The following TMEM232 variants were observed in gnomAD, a reference collection of about 807,000 sequenced individuals.
The protein encoded by TMEM232 is transmembrane protein 232.
A neutral mutation model predicts 78.8 loss-of-function variants in TMEM232; 80 were observed. That is an observed-to-expected ratio of 1.01 (90% CI 0.85 to 1.22). TMEM232 has a LOEUF of 1.22. Ranked by LOEUF, TMEM232 falls within the 50% of genes most tolerant of loss-of-function variation. The pLI is 0.00. For missense variants in TMEM232, 881 were observed against 742.2 expected, an observed-to-expected ratio of 1.19 and a Z score of -2.17; for synonymous variants, 297 against 254.3, an observed-to-expected ratio of 1.17 and a Z score of -1.60.
chr5:110,661,104 G>C (rs1392584416), intron 2 of TMEM232, among the ~76,000 whole-genome samples: 1 of 152,082 alleles, frequency 6.6e-6, no homozygotes, highest in Non-Finnish European at 1.5e-5. Flanking sequence ...TTCTGTGCCT[G>C]AATTATTTTA....
chr5:110,644,136 T>G (rs373967670), intron 2 of TMEM232, among the ~76,000 whole-genome samples: 16 of 152,064 alleles, frequency 1.1e-4, no homozygotes, highest in African/African-American at 3.6e-4. Flanking sequence ...AATTGGGCAT[T>G]TTGAAATAAG....
chr5:110,590,431 C>T (rs1016623171), intron 10 of TMEM232, among the ~76,000 whole-genome samples: 3 of 152,088 alleles, frequency 2.0e-5, no homozygotes, highest in Non-Finnish European at 2.9e-5. Flanking sequence ...AGTGGTATTA[C>T]ATTCTCATAG....
At chr5:110,440,451 T>C (rs1758905740) in intron 12 of TMEM232, among the ~76,000 whole-genome samples, 1 of 152,104 alleles carries the variant, frequency 6.6e-6, no homozygotes, top group African/African-American at 2.4e-5. Flanking sequence ...ACATGGTGAA[T>C]AGACAGTACA....
chr5:110,548,215 G>A (rs1370239438), intron 11 of TMEM232, among the ~76,000 whole-genome samples: 2 of 150,768 alleles, frequency 1.3e-5, no homozygotes, highest in African/African-American at 4.9e-5. Flanking sequence ...ATTACATAAA[G>A]CAATAATAAT....
intron 1 of TMEM232, among the ~76,000 whole-genome samples, chr5:110,700,436 A>C (rs771509285): frequency 2.0e-5 from 3 of 152,056 alleles, no homozygotes; most frequent in Non-Finnish European, 2.9e-5. Flanking sequence ...CCAAAGTTAT[A>C]CAGCCAAAGA....
intron 12 of TMEM232, among the ~76,000 whole-genome samples, chr5:110,526,384 A>G (rs1388911404): frequency 6.6e-6 from 1 of 151,898 alleles, no homozygotes; most frequent in African/African-American, 2.4e-5. Context: ...AAATCCAGTA[A>G]AAAATGGGCA....
At chr5:110,531,807 T>A (rs1312930516) in intron 11 of TMEM232, among the ~76,000 whole-genome samples, 4 of 152,170 alleles carry the variant, frequency 2.6e-5, no homozygotes, top group African/African-American at 9.7e-5. Flanking sequence ...GCAGCAACCC[T>A]GAGATGCTTT....
rs1554057506 is a variant in TMEM232, at chr5:110,610,218, G to GGGAA, written c.903-3932_903-3931insTTCC. 6.8e-3 allele frequency among the ~76,000 whole-genome samples: 1,000 copies of GGGAA among 146,680 alleles called. 26 individuals are homozygous for GGGAA. The highest frequency in any genetic ancestry group is 0.024 in the African/African-American group (927 of 38,216). On this transcript the variant is annotated intron_variant, in intron 8 of 13. Coordinates refer to ENST00000455884, the MANE Select transcript of TMEM232 (RefSeq NM_001039763.4). The stretch of plus-strand genomic sequence containing the variant: ...AAGGAACAAGGAAGGAAGGAAGGAA[G>GGGAA]GGAGGGAGGGAAAAAGAAAGGAAGG...
chr5:110,651,898 G>A (rs1360388153), intron 2 of TMEM232, among the ~76,000 whole-genome samples: 1 of 152,068 alleles, frequency 6.6e-6, no homozygotes, highest in Non-Finnish European at 1.5e-5. Context: ...TAATATTAAT[G>A]TACCCGCCTT....
intron 11 of TMEM232, among the ~76,000 whole-genome samples, chr5:110,561,795 G>C (rs1775777212): frequency 6.6e-6 from 1 of 152,038 alleles, no homozygotes; most frequent in South Asian, 2.1e-4. Flanking sequence ...GAGTAAATCA[G>C]TTAAAATGGC....
chr5:110,418,240 CT>C (rs1451764935), downstream of TMEM232: 1 of 152,068 alleles, frequency 6.6e-6, no homozygotes, highest in Non-Finnish European at 1.5e-5. Flanking sequence ...GGTTTGTTTA[CT>C]TTCCTAATTA....
chr5:110,585,069 T>A (rs931311382), intron 10 of TMEM232, among the ~76,000 whole-genome samples: 4 of 152,150 alleles, frequency 2.6e-5, no homozygotes, highest in African/African-American at 9.7e-5. Flanking sequence ...TATTGTTTAT[T>A]CTTCAAATAT....
intron 12 of TMEM232, among the ~76,000 whole-genome samples, chr5:110,478,689 A>G (rs1019087024): frequency 2.0e-5 from 3 of 151,842 alleles, no homozygotes; most frequent in Non-Finnish European, 4.4e-5. Context: ...TGTACAGCAA[A>G]GGGAATTAAC....
intron 12 of TMEM232, among the ~76,000 whole-genome samples, chr5:110,502,731 C>G (rs185296670): frequency 2.6e-5 from 4 of 152,310 alleles, no homozygotes; most frequent in African/African-American, 9.6e-5. Context: ...TTTAGAACTG[C>G]ACATGGCAAG....
intron 3 of TMEM232, among the ~76,000 whole-genome samples, chr5:110,642,051 G>C (rs903458479): frequency 6.6e-6 from 1 of 151,860 alleles, no homozygotes; most frequent in South Asian, 2.1e-4. Flanking sequence ...TGGGCTGCTG[G>C]ACTGGTATAT....
chr5:110,696,088 CA>C (rs1794746443), intron 1 of TMEM232, among the ~76,000 whole-genome samples: 1 of 151,970 alleles, frequency 6.6e-6, no homozygotes, highest in Non-Finnish European at 1.5e-5. Context: ...AGCAGCACAT[CA>C]AAAAGCTTAT....
intron 2 of TMEM232, among the ~76,000 whole-genome samples, chr5:110,665,846 G>A (rs951324420): frequency 4.7e-5 from 7 of 148,082 alleles, no homozygotes; most frequent in Admixed American, 4.1e-4. Context: ...CTTGAGGCCA[G>A]GAGTTCAAGA....
chr5:110,611,553 A>G (rs1782281236), intron 8 of TMEM232, among the ~76,000 whole-genome samples: 1 of 152,038 alleles, frequency 6.6e-6, no homozygotes, highest in South Asian at 2.1e-4. Context: ...CTGGCTGTTG[A>G]TTGGCTGGTG....
chr5:110,680,883 T>C (rs534472356), intron 1 of TMEM232, among the ~76,000 whole-genome samples: 3 of 152,058 alleles, frequency 2.0e-5, no homozygotes, highest in African/African-American at 7.2e-5. Context: ...CTAATCTGAT[T>C]TGCCTTAAAG....
Sources: allele counts gnomAD v4.1 joint callset (sites outside exome capture counted in the v4.1 genomes callset), GRCh38; gene constraint gnomAD v4.1.1; transcripts MANE v1.5; gene names NCBI Gene and HGNC (gene_info 2026-07-23, HGNC 2026-07-21).